PRDM15: variants seen among roughly 807,000 people sequenced by gnomAD.
The protein encoded by PRDM15 is PR/SET domain 15, also known as PR domain zinc finger protein 15.
A neutral mutation model predicts 128.6 loss-of-function variants in PRDM15; 64 were observed. The ratio of observed to expected loss-of-function variants is 0.50; its 90% CI spans 0.41 to 0.61. The LOEUF (loss-of-function observed/expected upper bound fraction) is 0.61, where lower values mean the gene tolerates loss of function less well. Ranked by LOEUF, PRDM15 falls within the 20% of genes least tolerant of loss-of-function variation. The pLI, the probability that PRDM15 is intolerant of heterozygous loss-of-function variation, is 0.00. For missense variants in PRDM15, 1,242 were observed against 1,569.1 expected (o/e 0.79, Z 3.52); for synonymous variants, 615 against 621.8 (o/e 0.99, Z 0.16).
At chr21:41,819,041 T>C (rs1261167189) in intron 18 of PRDM15, among the ~76,000 whole-genome samples, 2 of 152,224 alleles carry the variant, frequency 1.3e-5, no homozygotes, top group Non-Finnish European at 2.9e-5. Flanking sequence ...CTTTAAACAA[T>C]TAGATCCTGC....
Position 41,798,506 on chromosome 21 carries a change from C to T in PRDM15, c.*2734G>A, listed in dbSNP as rs577299153. 150 of 152,482 alleles carry T rather than the reference C, an allele frequency of 9.8e-4. 2 individuals are homozygous for T. Among genetic ancestry groups the T allele is most frequent in the Admixed American group, 4.5e-3 (69 of 15,314 alleles). 9.4% of individuals were successfully genotyped at this position (152,482 alleles called of 1,614,324 possible). A position where few individuals can be genotyped will look rare whatever the true frequency, so the allele number is the denominator to read the frequency against. ...GGCACAGAACGTTTTCCTGAGAACACGTCACACGCTAGAGCATTCCAGAGG... is the reference window on the plus strand; with the variant it reads ...GGCACAGAACGTTTTCCTGAGAACATGTCACACGCTAGAGCATTCCAGAGG... On this transcript the variant is annotated 3_prime_UTR_variant, in exon 24 of 24. Coordinates refer to ENST00000398548, the MANE Select transcript of PRDM15 (RefSeq NM_001040424.3).
intron 13 of PRDM15, 41 bp from the exon 14 acceptor site, chr21:41,823,490 C>G (rs761700502): frequency 3.1e-5 from 48 of 1,535,550 alleles, no homozygotes; most frequent in Non-Finnish European, 4.2e-5. Flanking sequence ...TGCGGCGTCT[C>G]GTGACGGGAA....
chr21:41,835,450 G>A lies in PRDM15; in HGVS notation c.1353C>T (p.His451=), dbSNP rs2062840643. The change falls in exon 11 of 24, where the codon CAC becomes CAT. Residue 451 remains histidine (H), a synonymous_variant. Coordinates refer to ENST00000398548, the MANE Select transcript of PRDM15 (RefSeq NM_001040424.3). ...CGGCGCCCTCACCTGTCCTGCAGTT[G>A]TGGAACTCCAGCGCGCTCTCGATGC... ...TFRIESALEF[H]NCRTDDKTFQ... The A allele has an allele frequency of 6.2e-7, 1 of 1,608,914 alleles. No individual in the cohort carries two copies. The highest frequency in any genetic ancestry group is 8.5e-7 in the Non-Finnish European group (1 of 1,179,644).
intron 4 of PRDM15, among the ~76,000 whole-genome samples, chr21:41,856,877 G>A (rs1422628301): frequency 2.6e-5 from 4 of 152,220 alleles, no homozygotes; most frequent in Non-Finnish European, 4.4e-5. Context: ...TAAAGCCTGC[G>A]ACAGCAATGG....
intron 1 of PRDM15, among the ~76,000 whole-genome samples, chr21:41,874,525 A>ATATATATATATATTTTTT: frequency 4.2e-5 from 4 of 95,826 alleles, no homozygotes; most frequent in Non-Finnish European, 8.0e-5. Context: ...ATATATATAT[A>ATATATATATATATTTTTT]TTTTTTTTTT....
chr21:41,836,381 A>T, intron 9 of PRDM15, 87 bp downstream of exon 9: 3 of 1,422,218 alleles, frequency 2.1e-6, no homozygotes, highest in Non-Finnish European at 2.9e-6. Context: ...GAGACGACCC[A>T]AGGAGGGGAG....
chr21:41,807,025 A>G (rs2061703296), intron 21 of PRDM15, among the ~76,000 whole-genome samples: 1 of 151,058 alleles, frequency 6.6e-6, no homozygotes, highest in African/African-American at 2.4e-5. Context: ...CAACACCACC[A>G]TCACCAACAC....
chr21:41,802,294 G>A (rs1308820053), intron 23 of PRDM15, among the ~76,000 whole-genome samples: 1 of 152,188 alleles, frequency 6.6e-6, no homozygotes, highest in Non-Finnish European at 1.5e-5. Flanking sequence ...GGTTCCACTC[G>A]AGAAAGTGGG....
At chr21:41,817,314 G>C (rs1390525346) in intron 18 of PRDM15, among the ~76,000 whole-genome samples, 1 of 152,202 alleles carries the variant, frequency 6.6e-6, no homozygotes, top group East Asian at 1.9e-4. Context: ...ACTGGCCACA[G>C]TAAGTTCTTG....
intron 6 of PRDM15, among the ~76,000 whole-genome samples, chr21:41,843,230 T>G (rs1216439263): frequency 6.6e-6 from 1 of 152,218 alleles, no homozygotes; most frequent in African/African-American, 2.4e-5. Flanking sequence ...TATTACTAAT[T>G]GAGACTTAAA....
chr21:41,879,212 C>A lies in PRDM15; in HGVS notation c.-10+58G>T. 1 of 781,928 alleles carries A rather than the reference C, an allele frequency of 1.3e-6. No individual in the cohort carries two copies. Among genetic ancestry groups the A allele is most frequent in the Non-Finnish European group, 1.5e-6 (1 of 648,014 alleles). 48.4% of individuals were successfully genotyped at this position (781,928 alleles called of 1,614,324 possible). ...GGCTCGCGGGGGCAGCGGGTGCGGC[C>A]CGGGGCCGGCGGGGCGCACGCCGGG... On this transcript the variant is annotated intron_variant, in intron 1 of 23. Transcript: ENST00000398548. This position sits in a 1 kb window ranked among gnomAD's most constrained non-coding sequence, Gnocchi z 5.1.
chr21:41,842,559 C>T (rs750206166), intron 6 of PRDM15, among the ~76,000 whole-genome samples: 8 of 152,040 alleles, frequency 5.3e-5, no homozygotes, highest in Non-Finnish European at 1.0e-4. Context: ...TGTGCGATCT[C>T]GGCTCACTAT....
At chr21:41,814,235 C>T (rs2061964531) in intron 19 of PRDM15, 1 of 62,054 alleles carries the variant, frequency 1.6e-5, no homozygotes, top group African/African-American at 6.4e-5. Flanking sequence ...TTAGTGATTG[C>T]GCAGGGTGCC....
intron 1 of PRDM15, among the ~76,000 whole-genome samples, chr21:41,865,343 T>A (rs942925723): frequency 2.6e-5 from 4 of 152,224 alleles, no homozygotes; most frequent in African/African-American, 9.7e-5. Flanking sequence ...TAGCCATGCC[T>A]GTGTGTGACT....
chr21:41,834,535 G>A (rs2062804663), intron 11 of PRDM15: 3 of 1,549,606 alleles, frequency 1.9e-6, no homozygotes, highest in Admixed American at 2.0e-5. Context: ...CTGCCGCCGG[G>A]CCCCCCCTCT....
rs753872143 is a variant in PRDM15 at position 41,825,972 on chromosome 21, C to T, written c.1617G>A (p.Pro539=). The T allele has an allele frequency of 6.3e-5, 102 of 1,613,518 alleles. No homozygotes were observed. Among genetic ancestry groups the T allele is most frequent in the Non-Finnish European group, 7.8e-5 (92 of 1,179,540 alleles). ...VRYKKEPSGC[P]VCGKVFSCRS... is the part of the protein sequence containing the mutation. Reference sequence around the variant, plus strand: ...CTGCGAGCATTACCTTGCCACACACCGGGCACCCGGAAGGCTCCTTCTTGT... The same window carrying T: ...CTGCGAGCATTACCTTGCCACACACTGGGCACCCGGAAGGCTCCTTCTTGT... Residue 539 remains proline (P), a synonymous_variant, in exon 13 of 24, where the codon CCG becomes CCA. Coordinates refer to ENST00000398548, the MANE Select transcript of PRDM15 (RefSeq NM_001040424.3).
chr21:41,824,736 C>T (rs1348458957), intron 13 of PRDM15, among the ~76,000 whole-genome samples: 1 of 152,254 alleles, frequency 6.6e-6, no homozygotes, highest in Non-Finnish European at 1.5e-5. Flanking sequence ...CCCTCCAGCC[C>T]ACAGTCCGGA....
intron 3 of PRDM15, among the ~76,000 whole-genome samples, chr21:41,857,812 C>T (rs1000552037): frequency 2.0e-5 from 3 of 152,178 alleles, no homozygotes; most frequent in Non-Finnish European, 4.4e-5. Context: ...TCAATGATGA[C>T]TGAGACTGAG....
At position 41,810,601 on chromosome 21, in the gene PRDM15, A is replaced by T; in HGVS notation, c.2476+152T>A. On this transcript the variant is annotated intron_variant, in intron 20 of 23. Coordinates refer to ENST00000398548, the MANE Select transcript of PRDM15 (RefSeq NM_001040424.3). The surrounding 1 kb of genome is among the most constrained non-coding windows in gnomAD (Gnocchi z 6.4). ...AAAGCTGTGGCGGGTTGACCTTCAGAGGCCAAGGGGCCACCATGAAGCCAA... is the reference window on the plus strand; with the variant it reads ...AAAGCTGTGGCGGGTTGACCTTCAGTGGCCAAGGGGCCACCATGAAGCCAA... 1.5e-6 allele frequency: 1 copy of T among 666,010 alleles called. No homozygotes were observed. Among genetic ancestry groups the T allele is most frequent in the Non-Finnish European group, 2.6e-6 (1 of 391,514 alleles). The allele number at this position is 666,010 out of a possible 1,614,324, so 41.3% of individuals were successfully genotyped here.
Sources: gnomAD v4.1 joint callset for allele counts (sites outside exome capture counted in the v4.1 genomes callset) on GRCh38, gnomAD v4.1.1 for gene constraint, Gnocchi (gnomAD v3.1) non-coding constraint, MANE v1.5 for transcripts, NCBI Gene and HGNC (gene_info 2026-07-23, HGNC 2026-07-21) for gene names.